MPPE1: variants seen among roughly 807,000 people sequenced by gnomAD.
The protein encoded by MPPE1 is metallophosphoesterase 1.
Under a neutral mutation model 43.8 loss-of-function variants are expected in MPPE1, and 28 were observed. The ratio of observed to expected loss-of-function variants is 0.64; its 90% CI spans 0.47 to 0.88. The LOEUF (loss-of-function observed/expected upper bound fraction) is 0.88. Ranked by LOEUF, MPPE1 falls within the 40% of genes least tolerant of loss-of-function variation. The probability of loss-of-function intolerance (pLI) is 0.00; values close to 1 mark genes in which losing one functional copy is unlikely to be tolerated. For synonymous variants in MPPE1, 159 were observed against 188.5 expected (o/e 0.84, Z 1.28); for missense variants, 428 against 492.2 (o/e 0.87, Z 1.23).
At chr18:11,888,943 CT>C (rs2037654082) in intron 5 of MPPE1, among the ~76,000 whole-genome samples, 200 bp from the exon 6 acceptor site, 1 of 152,198 alleles carries the variant, frequency 6.6e-6, no homozygotes, top group Non-Finnish European at 1.5e-5. Flanking sequence ...AGTTACTCAG[CT>C]GCCCAGGGCC....
At chr18:11,904,192 G>A (rs377566914) in intron 2 of MPPE1, among the ~76,000 whole-genome samples, 1,755 of 152,236 alleles carry the variant, frequency 0.012, 17 homozygotes, top group Non-Finnish European at 0.019. Flanking sequence ...AGAAGGGGAT[G>A]GGGGAGCAAA....
At position 11,895,987 on chromosome 18, in the gene MPPE1, C is replaced by G. The variant is rs541018322; in HGVS notation, c.281+997G>C. On this transcript the variant is annotated intron_variant, in intron 3 of 10. Coordinates refer to ENST00000588072, the MANE Select transcript of MPPE1 (RefSeq NM_023075.6). Reference sequence around the variant, plus strand: ...CATCAATCAGGATCAATTTGTAAGACCAAGACACTGCAGGCCCCCCACCGG... The same window carrying G: ...CATCAATCAGGATCAATTTGTAAGAGCAAGACACTGCAGGCCCCCCACCGG... Among the ~76,000 whole-genome samples the G allele has an allele frequency of 3.1e-4, 47 of 152,136 alleles. 1 individual carries two copies. The highest frequency in any genetic ancestry group is 6.2e-4 in the Non-Finnish European group (42 of 67,998).
At chr18:11,903,571 C>T (rs1351891889) in intron 2 of MPPE1, among the ~76,000 whole-genome samples, 1 of 152,100 alleles carries the variant, frequency 6.6e-6, no homozygotes, top group Admixed American at 6.5e-5. Flanking sequence ...CTTTGGGAGG[C>T]CGAGGCGGGC....
At chr18:11,893,674 A>C in intron 3 of MPPE1, 98 bp from the exon 4 acceptor site, 2 of 920,090 alleles carry the variant, frequency 2.2e-6, no homozygotes, top group Non-Finnish European at 3.4e-6. Flanking sequence ...AAATGGTTCC[A>C]CTCTCCTTCT....
chr18:11,900,723 C>A (rs562850037), intron 2 of MPPE1, among the ~76,000 whole-genome samples: 12 of 151,592 alleles, frequency 7.9e-5, no homozygotes, highest in Non-Finnish European at 1.3e-4. Flanking sequence ...CTGGCTAACA[C>A]GGTGAAACCC....
chr18:11,898,154 C>T (rs140322032), intron 2 of MPPE1, among the ~76,000 whole-genome samples: 54 of 152,254 alleles, frequency 3.5e-4, no homozygotes, highest in African/African-American at 9.4e-4. Context: ...CTGCAACCTC[C>T]GCCTCCTGGG....
At chr18:11,891,514 A>G (rs1218589800) in intron 4 of MPPE1, 1 of 152,224 alleles carries the variant, frequency 6.6e-6, no homozygotes, top group Non-Finnish European at 1.5e-5. Flanking sequence ...ACATAAAATC[A>G]GAATAACAGA....
chr18:11,894,740 G>A (rs1379069992), intron 3 of MPPE1, among the ~76,000 whole-genome samples: 1 of 151,954 alleles, frequency 6.6e-6, no homozygotes, highest in Non-Finnish European at 1.5e-5. Flanking sequence ...ACAGGCATGT[G>A]CCACCACACC....
chr18:11,887,805 C>A (rs1446076813), intron 6 of MPPE1, among the ~76,000 whole-genome samples: 3 of 152,176 alleles, frequency 2.0e-5, no homozygotes, highest in Non-Finnish European at 4.4e-5. Flanking sequence ...CTTAAACACA[C>A]ACTTAGAGGG....
chr18:11,891,126 G>A (rs1462571948), intron 4 of MPPE1: 1 of 152,144 alleles, frequency 6.6e-6, no homozygotes, highest in Non-Finnish European at 1.5e-5. Flanking sequence ...AAGGAAATAT[G>A]CTGGATAGAG....
At chr18:11,884,802 C>T (rs888114637) in intron 10 of MPPE1, 175 bp from the exon 11 acceptor site, 87 of 1,389,486 alleles carry the variant, frequency 6.3e-5, no homozygotes, top group Non-Finnish European at 7.9e-5. Context: ...CAGCTCACCC[C>T]CGACCAGCCC....
At position 11,908,198 on chromosome 18, in the gene MPPE1, T is replaced by TA. The variant is rs2039904448; in HGVS notation, c.-200+2dup. ...GTTGTCACACGGGCGCAAGAATACA[T>TA]ACAACAGCCATGCTTTCCAGCTCTG... On this transcript the variant is annotated splice_region_variant and intron_variant, in intron 1 of 10. Transcript: ENST00000588072. 6.6e-6 allele frequency: 1 copy of TA among 152,208 alleles called. No individual in the cohort carries two copies. The highest frequency in any genetic ancestry group is 2.4e-5 in the African/African-American group (1 of 41,448). The allele number at this position is 152,208 out of a possible 1,614,324, so 9.4% of individuals were successfully genotyped here. A position where few individuals can be genotyped will look rare whatever the true frequency, so the allele number is the denominator to read the frequency against.
intron 3 of MPPE1, among the ~76,000 whole-genome samples, chr18:11,894,228 AGCAGC>A (rs748122926): frequency 9.2e-5 from 14 of 152,136 alleles, no homozygotes; most frequent in Non-Finnish European, 1.6e-4. Flanking sequence ...GGAGTTCAAG[AGCAGC>A]CTGGCCAATA....
At chr18:11,902,697 C>G (rs114942728) in intron 2 of MPPE1, 1 of 152,316 alleles carries the variant, frequency 6.6e-6, no homozygotes, top group African/African-American at 2.4e-5. Context: ...CTCTTCTACA[C>G]CCCCTTCTCT....
At chr18:11,905,849 T>C (rs1266175831) in intron 2 of MPPE1, 1 of 152,216 alleles carries the variant, frequency 6.6e-6, no homozygotes, top group Non-Finnish European at 1.5e-5. Context: ...AGAGGGCAGC[T>C]ATGCTGAATT....
intron 1 of MPPE1, 118 bp from the exon 2 acceptor site, chr18:11,906,427 A>G (rs2039715819): frequency 6.6e-6 from 1 of 152,212 alleles, no homozygotes; most frequent in Non-Finnish European, 1.5e-5. Context: ...CTAAAGAAAC[A>G]AGACATTGGG....
intron 1 of MPPE1, among the ~76,000 whole-genome samples, chr18:11,907,022 C>A (rs2039789245): frequency 1.3e-5 from 2 of 152,058 alleles, no homozygotes; most frequent in South Asian, 4.1e-4. Context: ...CAGAGTTAAC[C>A]TTGTTTTAGG....
At chr18:11,897,542 A>G (rs911748296) in intron 2 of MPPE1, 186 bp from the exon 3 acceptor site, 1 of 376,786 alleles carries the variant, frequency 2.7e-6, no homozygotes, top group Middle Eastern at 7.5e-4. Flanking sequence ...GACTCCTTCA[A>G]GCTCTCCATA....
intron 2 of MPPE1, among the ~76,000 whole-genome samples, chr18:11,903,838 A>T (rs1001935577): frequency 1.3e-5 from 2 of 151,824 alleles, no homozygotes; most frequent in African/African-American, 2.4e-5. Context: ...AAAAACAAAA[A>T]ACACTGCACT....
Sources: gnomAD v4.1 joint callset for allele counts (sites outside exome capture counted in the v4.1 genomes callset) on GRCh38, gnomAD v4.1.1 for gene constraint, MANE v1.5 for transcripts, NCBI Gene and HGNC (gene_info 2026-07-23, HGNC 2026-07-21) for gene names.